Variants in USP20 observed in about 807,000 individuals in gnomAD.
USP20 encodes the protein ubiquitin carboxyl-terminal hydrolase 20.
USP20 carries 80 observed loss-of-function variants against 124.2 expected under a neutral mutation model. The ratio of observed to expected loss-of-function variants is 0.64; its 90% CI spans 0.54 to 0.78. The LOEUF is 0.78. Ranked by LOEUF, USP20 falls within the 30% of genes least tolerant of loss-of-function variation. The pLI is 0.00. For missense variants in USP20, 1,043 were observed against 1,244.4 expected (o/e 0.84, Z 2.44); for synonymous variants, 481 against 512.3 (o/e 0.94, Z 0.83).
chr9:129,865,503 A>G, intron 10 of USP20, 122 bp downstream of exon 10: 1 of 1,018,042 alleles, frequency 9.8e-7, no homozygotes, highest in Non-Finnish European at 1.5e-6. Context: ...GGTCTCACGG[A>G]CCAGGCTCTC....
chr9:129,860,843 A>G, intron 6 of USP20, 94 bp from the exon 7 acceptor site: 10 of 1,288,262 alleles, frequency 7.8e-6, no homozygotes, highest in Non-Finnish European at 1.1e-5. Context: ...CCTTCCGGGC[A>G]GTAGGGCTGG....
intron 17 of USP20, 97 bp downstream of exon 17, chr9:129,873,841 C>T (rs1264915527): frequency 6.9e-7 from 1 of 1,452,588 alleles, no homozygotes; most frequent in Non-Finnish European, 9.5e-7. Flanking sequence ...TGCTCGGGCA[C>T]TTCTGTGCTG....
chr9:129,869,022 G>GT lies in USP20; in HGVS notation c.1276+21dup. On this transcript the variant is annotated intron_variant, in intron 12 of 25. Transcript: ENST00000372429. Reference sequence around the variant, plus strand: ...AGAAAGGTTCGGGGGGCACGGGAGGGTGGGTCAGCTTGAGGCTGGGAGTAC... The same window carrying GT: ...AGAAAGGTTCGGGGGGCACGGGAGGGTTGGGTCAGCTTGAGGCTGGGAGTAC... 1 of 1,589,632 alleles carries GT rather than the reference G, an allele frequency of 6.3e-7. No homozygotes were observed. Among genetic ancestry groups the GT allele is most frequent in the African/African-American group, 1.3e-5 (1 of 74,260 alleles).
chr9:129,861,128 C>A, intron 7 of USP20, 95 bp downstream of exon 7: 1 of 1,150,582 alleles, frequency 8.7e-7, no homozygotes, highest in South Asian at 1.3e-5. Context: ...CTATTTGCAC[C>A]TGCTATATGG....
intron 10 of USP20, among the ~76,000 whole-genome samples, chr9:129,866,750 T>C (rs1108535): frequency 0.86 from 131,142 of 151,922 alleles, 57,008 homozygotes; most frequent in East Asian, 1. Flanking sequence ...AAGACTCTTT[T>C]GTGCTTCTGC....
At chr9:129,846,395 A>G (rs1478590955) in intron 1 of USP20, among the ~76,000 whole-genome samples, 1 of 150,076 alleles carries the variant, frequency 6.7e-6, no homozygotes, top group Admixed American at 6.7e-5. Flanking sequence ...AGCTGGGACT[A>G]CAGGTGCGTG....
chr9:129,877,344 C>A (rs958401937), intron 22 of USP20, among the ~76,000 whole-genome samples: 5 of 151,908 alleles, frequency 3.3e-5, no homozygotes, highest in African/African-American at 7.3e-5. Context: ...CATGGCGAAA[C>A]CCCATCTCTA....
At chr9:129,856,414 G>T (rs2033221483) in intron 4 of USP20, 54 bp downstream of exon 4, 1 of 1,586,606 alleles carries the variant, frequency 6.3e-7, no homozygotes, top group Admixed American at 1.7e-5. Flanking sequence ...CCTGTTATCA[G>T]CACTGCACAG....
chr9:129,851,258 CTTT>C (rs35791819), intron 2 of USP20, among the ~76,000 whole-genome samples: 9 of 126,202 alleles, frequency 7.1e-5, no homozygotes, highest in African/African-American at 9.5e-5. Flanking sequence ...ATAACACATA[CTTT>C]TTTTTTTTTT....
At chr9:129,861,108 G>A in intron 7 of USP20, 75 bp downstream of exon 7, 1 of 1,368,242 alleles carries the variant, frequency 7.3e-7, no homozygotes, top group South Asian at 1.2e-5. Context: ...AACCGCCAGA[G>A]TCTTGGTCTC....
At chr9:129,861,827 G>A (rs1219161803) in intron 8 of USP20, among the ~76,000 whole-genome samples, 1 of 152,226 alleles carries the variant, frequency 6.6e-6, no homozygotes, top group Admixed American at 6.5e-5. Context: ...GTACGTGCAA[G>A]GAGGCTCAGT....
At chr9:129,873,339 C>T in intron 15 of USP20, 143 bp from the exon 16 acceptor site, 2 of 1,024,606 alleles carry the variant, frequency 2.0e-6, no homozygotes, top group Non-Finnish European at 3.0e-6. Context: ...CCGCCTCGGC[C>T]TCCCAAAGTG....
chr9:129,868,016 G>A lies in USP20; in HGVS notation c.702G>A (p.Glu234=). The A allele has an allele frequency of 1.9e-6, 3 of 1,613,310 alleles. No individual in the cohort carries two copies. Among genetic ancestry groups the A allele is most frequent in the Non-Finnish European group, 2.5e-6 (3 of 1,179,566 alleles). ...FRGYAQQDTQ[E]FLRCLMDQLH... is the part of the protein sequence containing the mutation. ...GCCCCTGGTTCTAGGACACCCAAGA[G>A]TTCCTTCGCTGCCTGATGGACCAGC... The change falls in exon 11 of 26, where the codon GAG becomes GAA. Residue 234 remains glutamate, a synonymous_variant. Coordinates refer to ENST00000372429, the MANE Select transcript of USP20 (RefSeq NM_001110303.4).
At chr9:129,843,196 G>A (rs1021959105) in intron 1 of USP20, among the ~76,000 whole-genome samples, 6 of 151,176 alleles carry the variant, frequency 4.0e-5, no homozygotes, top group South Asian at 4.2e-4. Flanking sequence ...TTGGGAGGCC[G>A]CAGTGGACAG....
Position 129,865,223 on chromosome 9 carries a change from ACGGGCTGGCTG to A in USP20, c.612-78_612-68del. 2.0e-6 allele frequency: 3 copies of A among 1,479,548 alleles called. No individual in the cohort carries two copies. In the South Asian group the frequency reaches 3.4e-5, roughly 17 times the overall value. 91.7% of individuals were successfully genotyped at this position (1,479,548 alleles called of 1,614,324 possible). A position where few individuals can be genotyped will look rare whatever the true frequency, so the allele number is the denominator to read the frequency against. On this transcript the variant is annotated intron_variant, in intron 9 of 25. Coordinates refer to ENST00000372429, the MANE Select transcript of USP20 (RefSeq NM_001110303.4). Reference sequence around the variant, plus strand: ...AAACGCCACACTCTGATCCAGCCTGACGGGCTGGCTGCCTGCTTCTCTCGGGAATGAGCAGC... The same window carrying A: ...AAACGCCACACTCTGATCCAGCCTGACCTGCTTCTCTCGGGAATGAGCAGC...
At chr9:129,867,534 G>A (rs913323) in intron 10 of USP20, among the ~76,000 whole-genome samples, 129,345 of 152,098 alleles carry the variant, frequency 0.85, 55,765 homozygotes, top group East Asian at 1. Flanking sequence ...TGTGGGTAGC[G>A]TGGCTTGGGG....
rs1036313591 is a variant in USP20, at chr9:129,880,477, C to T, written c.*27C>T. ...CCCGTGTCCCCACAGCCCCATGTGC[C>T]CCACCCCGCGGAAGGCGTGTTTGTG... On this transcript the variant is annotated 3_prime_UTR_variant, in exon 26 of 26. Transcript: ENST00000372429. 4 of 680,856 alleles carry T rather than the reference C, an allele frequency of 5.9e-6. No homozygotes were observed. The highest frequency in any genetic ancestry group is 2.1e-5 in the South Asian group (1 of 47,808). 42.2% of individuals were successfully genotyped at this position (680,856 alleles called of 1,614,324 possible). A position where few individuals can be genotyped will look rare whatever the true frequency, so the allele number is the denominator to read the frequency against.
At chr9:129,878,296 T>C (rs1374045902) in intron 22 of USP20, 42 bp from the exon 23 acceptor site, 6 of 1,488,992 alleles carry the variant, frequency 4.0e-6, no homozygotes, top group Admixed American at 2.0e-5. Flanking sequence ...AAATAGAGAC[T>C]GACCTGCCCT....
intron 4 of USP20, among the ~76,000 whole-genome samples, chr9:129,856,756 A>C (rs552245556): frequency 5.5e-4 from 84 of 152,206 alleles, no homozygotes; most frequent in Non-Finnish European, 9.7e-4. Context: ...TTACCCATCT[A>C]TAAGAAAGGG....
Sources: gnomAD v4.1 joint callset for allele counts (sites outside exome capture counted in the v4.1 genomes callset) on GRCh38, gnomAD v4.1.1 for gene constraint, MANE v1.5 for transcripts, NCBI Gene and HGNC (gene_info 2026-07-23, HGNC 2026-07-21) for gene names.